The following GIMAP6 variants were observed in gnomAD, a reference collection of about 807,000 sequenced individuals.
GIMAP6 encodes the protein GTPase IMAP family member 6.
Under a neutral mutation model 9.3 loss-of-function variants are expected in GIMAP6, and 6 were observed. That is an observed-to-expected ratio of 0.65 (90% confidence interval 0.35 to 1.27). GIMAP6 has a LOEUF of 1.27. Among genes scored for constraint, GIMAP6 ranks in the 50% most tolerant of loss-of-function variants. GIMAP6 has a pLI of 0.03. For synonymous variants in GIMAP6, 156 were observed against 151.1 expected (o/e 1.03, Z -0.24); for missense variants, 333 against 359.5 (o/e 0.93, Z 0.60).
Position 150,627,569 on chromosome 7 carries a change from C to T in GIMAP6, c.*150G>A. ...GGAATGTGATCTGGGCATGCTGGACCCTGTCCTCAAGCCCCATGCCCCTCT... is the reference window on the plus strand; with the variant it reads ...GGAATGTGATCTGGGCATGCTGGACTCTGTCCTCAAGCCCCATGCCCCTCT... On this transcript the variant is annotated 3_prime_UTR_variant, in exon 3 of 3. Coordinates refer to ENST00000328902, the MANE Select transcript of GIMAP6 (RefSeq NM_024711.6). 2.3e-6 allele frequency: 2 copies of T among 873,002 alleles called. No individual in the cohort carries two copies. The allele number at this position is 873,002 out of a possible 1,614,324, so 54.1% of individuals were successfully genotyped here. A position where few individuals can be genotyped will look rare whatever the true frequency, so the allele number is the denominator to read the frequency against.
intron 1 of GIMAP6, among the ~76,000 whole-genome samples, chr7:150,630,967 AAC>A (rs1301125959): frequency 2.0e-5 from 3 of 152,238 alleles, no homozygotes; most frequent in East Asian, 1.9e-4. Flanking sequence ...TTCATAGACT[AAC>A]ACAGTTCTCT....
intron 1 of GIMAP6, among the ~76,000 whole-genome samples, 168 bp downstream of exon 1, chr7:150,632,001 C>T (rs566282425): frequency 1.5e-3 from 228 of 151,900 alleles, no homozygotes; most frequent in Middle Eastern, 6.8e-3. Context: ...AATATACATA[C>T]ACAACACACA....
chr7:150,631,444 C>T (rs1796390229), intron 1 of GIMAP6, among the ~76,000 whole-genome samples: 1 of 152,226 alleles, frequency 6.6e-6, no homozygotes, highest in Non-Finnish European at 1.5e-5. Flanking sequence ...TTCTTCCTAA[C>T]TGGTGGCCTC....
At chr7:150,632,004 AAC>A (rs1454436094) in intron 1 of GIMAP6, among the ~76,000 whole-genome samples, 163 bp downstream of exon 1, 8 of 151,750 alleles carry the variant, frequency 5.3e-5, no homozygotes, top group African/African-American at 1.5e-4. Context: ...ATACATACAC[AAC>A]ACACACACAA....
At position 150,627,856 on chromosome 7, in the gene GIMAP6, G is replaced by A. The variant is rs1392816773; in HGVS notation, c.742C>T (p.Leu248=). 8 of 1,614,152 alleles carry A rather than the reference G, an allele frequency of 5.0e-6. No homozygotes were observed. Among genetic ancestry groups the A allele is most frequent in the Admixed American group, 1.7e-5 (1 of 60,010 alleles). Residue 248 remains leucine, a synonymous_variant, in exon 3 of 3, where the codon CTA becomes TTA. Transcript: ENST00000328902. ...CCCTGGCTTACTTGCCTTTCCTGTA[G>A]TTCTTTCAGCCGAAAGTTTTGCTGG... is the stretch of plus-strand genomic sequence containing the variant. ...YTQQNFRLKE[L]QERQVSQGQG...
chr7:150,628,062 T>G lies in GIMAP6; in HGVS notation c.536A>C (p.Glu179Ala), dbSNP rs777330596. 2 of 1,614,082 alleles carry G rather than the reference T, an allele frequency of 1.2e-6. No homozygotes were observed. Among genetic ancestry groups the G allele is most frequent in the Non-Finnish European group, 1.7e-6 (2 of 1,180,020 alleles). The change falls in exon 3 of 3, where the codon GAG becomes GCG. Residue 179 changes from glutamate to alanine, a missense_variant. By Grantham distance (107) the Glu-to-Ala change is moderately radical. Transcript: ENST00000328902. ...CCAGGCAAGGGCCTGGTTGTTGGTC[T>G]CTCGCACATAGTCTTCCAGGGAGCC... is the stretch of plus-strand genomic sequence containing the variant. ...AGGSLEDYVR[E>A]TNNQALAWLD...
At chr7:150,629,015 C>T (rs1384524315) in intron 2 of GIMAP6, among the ~76,000 whole-genome samples, 1 of 152,232 alleles carries the variant, frequency 6.6e-6, no homozygotes, top group East Asian at 1.9e-4. Flanking sequence ...GGCCTGACAG[C>T]CACCCTTGGC....
At chr7:150,628,598 C>G in intron 2 of GIMAP6, 86 bp from the exon 3 acceptor site, 1 of 1,595,982 alleles carries the variant, frequency 6.3e-7, no homozygotes, top group Non-Finnish European at 8.5e-7. Context: ...CTGGGTGTAC[C>G]CCCAGACTGC....
In GIMAP6 at chr7:150,628,476, A is replaced by T; in HGVS notation, c.122T>A (p.Leu41Gln). The change falls in exon 3 of 3, where the codon CTG becomes CAG. Residue 41 changes from leucine to glutamine, a missense_variant. By Grantham distance (113) the Leu-to-Gln change is moderately radical. Transcript: ENST00000328902. ...TGTTTTCCCCATGAGAATGAGCCTC[A>T]GTCTCCTTGGGGTCTTCTGTTCTTT... ...REKEQKTPRR[L>Q]RLILMGKTGS... is the part of the protein sequence containing the mutation. The T allele has an allele frequency of 6.2e-7, 1 of 1,614,142 alleles. No individual in the cohort carries two copies. Among genetic ancestry groups the T allele is most frequent in the East Asian group, 2.2e-5 (1 of 44,884 alleles).
At chr7:150,631,744 A>G (rs917583038) in intron 1 of GIMAP6, among the ~76,000 whole-genome samples, 2 of 152,242 alleles carry the variant, frequency 1.3e-5, no homozygotes, top group African/African-American at 4.8e-5. Context: ...GATGGAACAG[A>G]TAGTACCATC....
At position 150,628,347 on chromosome 7, in the gene GIMAP6, C is replaced by T. The variant is rs376322381; in HGVS notation, c.251G>A (p.Arg84Gln). 33 of 1,613,918 alleles carry T rather than the reference C, an allele frequency of 2.0e-5. No homozygotes were observed. The highest frequency in any genetic ancestry group is 1.6e-4 in the African/African-American group (12 of 74,936). ...PVTKTSQRRS[R>Q]EWAGKELEVI... ...CTCAAGCTCCTTCCCAGCCCACTCT[C>T]GGCTCCGTCTCTGGGAGGTCTTGGT... Residue 84 changes from arginine (R) to glutamine (Q), a missense_variant, in exon 3 of 3, where the codon CGA becomes CAA. Arg to Gln is a conservative substitution (Grantham distance 43). Transcript: ENST00000328902.
chr7:150,627,868 G>A lies in GIMAP6; in HGVS notation c.730C>T (p.Arg244Trp), dbSNP rs201383570. 1.5e-5 allele frequency: 25 copies of A among 1,614,124 alleles called. No homozygotes were observed. Among genetic ancestry groups the A allele is most frequent in the Admixed American group, 3.3e-5 (2 of 60,010 alleles). ...KAYQYTQQNF[R>W]LKELQERQVS... ...TGCCTTTCCTGTAGTTCTTTCAGCC[G>A]AAAGTTTTGCTGGGTATATTGGTAA... Residue 244 changes from arginine to tryptophan, a missense_variant, in exon 3 of 3, where the codon CGG (arginine) becomes TGG (tryptophan). Coordinates refer to ENST00000328902, the MANE Select transcript of GIMAP6 (RefSeq NM_024711.6).
intron 1 of GIMAP6, 138 bp from the exon 2 acceptor site, chr7:150,630,280 G>T (rs1796370687): frequency 3.4e-6 from 2 of 589,630 alleles, no homozygotes; most frequent in Non-Finnish European, 5.7e-6. Context: ...GGGACTGAGT[G>T]AGGCAATGGA....
In GIMAP6 at chr7:150,628,292, G is replaced by C. The variant is rs771698284; in HGVS notation, c.306C>G (p.Pro102=). 9 of 1,614,186 alleles carry C rather than the reference G, an allele frequency of 5.6e-6. No homozygotes were observed. The highest frequency in any genetic ancestry group is 7.6e-6 in the Non-Finnish European group (9 of 1,180,028). The change falls in exon 3 of 3, where the codon CCC becomes CCG. Residue 102 remains proline (P), a synonymous_variant. Transcript: ENST00000328902. The part of the protein sequence containing the change: ...EVIDTPNILS[P]QVSPEVADAI... ...CGTCTGCCACCTCTGGCGAGACCTG[G>C]GGGGACAGAATGTTGGGTGTGTCAA...
chr7:150,628,774 A>G, intron 2 of GIMAP6: 1 of 1,423,808 alleles, frequency 7.0e-7, no homozygotes, highest in Non-Finnish European at 9.2e-7. Context: ...ACCCAATACC[A>G]AGGTTTTTAG....
rs1171782314 is a variant in GIMAP6, at chr7:150,626,810, G to A, written c.*909C>T. Reference sequence around the variant, plus strand: ...GTGGCAGTGAAGGGCGAGGCAGGTTGAAAGTAGTCTGTGCCTTCTAGGAGC... The same window carrying A: ...GTGGCAGTGAAGGGCGAGGCAGGTTAAAAGTAGTCTGTGCCTTCTAGGAGC... On this transcript the variant is annotated 3_prime_UTR_variant, in exon 3 of 3. Coordinates refer to ENST00000328902, the MANE Select transcript of GIMAP6 (RefSeq NM_024711.6). 6.6e-6 allele frequency: 1 copy of A among 152,234 alleles called. No individual in the cohort carries two copies. The highest frequency in any genetic ancestry group is 1.9e-4 in the East Asian group (1 of 5,192). The allele number at this position is 152,234 out of a possible 1,614,324, so 9.4% of individuals were successfully genotyped here.
Position 150,627,674 on chromosome 7 carries a change from G to A in GIMAP6, c.*45C>T. On this transcript the variant is annotated 3_prime_UTR_variant, in exon 3 of 3. Coordinates refer to ENST00000328902, the MANE Select transcript of GIMAP6 (RefSeq NM_024711.6). Reference sequence around the variant, plus strand: ...GAGAAACAGAGGGCTGGACACAGGGGGGTGCAAAGGCTGATGGTGTCCTTG... The same window carrying A: ...GAGAAACAGAGGGCTGGACACAGGGAGGTGCAAAGGCTGATGGTGTCCTTG... 1.2e-6 allele frequency: 2 copies of A among 1,609,088 alleles called. No homozygotes were observed. The highest frequency in any genetic ancestry group is 1.7e-6 in the Non-Finnish European group (2 of 1,176,056).
Position 150,628,135 on chromosome 7 carries a change from G to A in GIMAP6, c.463C>T (p.Leu155=), listed in dbSNP as rs1426013333. Residue 155 remains leucine (L), a synonymous_variant, in exon 3 of 3, where the codon CTG becomes TTG. Coordinates refer to ENST00000328902, the MANE Select transcript of GIMAP6 (RefSeq NM_024711.6). ...GTGAACACCAGGATGGTGTGACCCA[G>A]AACCCCCACTCCAAAGACCTCCTGC... ...RLQEVFGVGV[L]GHTILVFTRK... 1 of 1,614,074 alleles carries A rather than the reference G, an allele frequency of 6.2e-7. No homozygotes were observed. The highest frequency in any genetic ancestry group is 1.3e-5 in the African/African-American group (1 of 74,936).
At position 150,626,000 on chromosome 7, in the gene GIMAP6, T is replaced by C. The variant is rs1001992016; in HGVS notation, c.*1719A>G. 5.9e-5 allele frequency: 9 copies of C among 152,254 alleles called. No homozygotes were observed. Among genetic ancestry groups the C allele is most frequent in the African/African-American group, 2.2e-4 (9 of 41,472 alleles). 9.4% of individuals were successfully genotyped at this position (152,254 alleles called of 1,614,324 possible). On this transcript the variant is annotated 3_prime_UTR_variant, in exon 3 of 3. Transcript: ENST00000328902. Reference sequence around the variant, plus strand: ...TGATCGCTTATTTAATAAGTGATTGTGGCACAAAGGCTGTCTTCAGCAAAC... The same window carrying C: ...TGATCGCTTATTTAATAAGTGATTGCGGCACAAAGGCTGTCTTCAGCAAAC...
Sources: allele counts gnomAD v4.1 joint callset (sites outside exome capture counted in the v4.1 genomes callset), GRCh38; gene constraint gnomAD v4.1.1; transcripts MANE v1.5; gene names NCBI Gene and HGNC (gene_info 2026-07-23, HGNC 2026-07-21).